Variants in SESTD1 observed in about 807,000 individuals in gnomAD.
SESTD1 encodes the protein SEC14 and spectrin domain containing 1, also known as SEC14 domain and spectrin repeat-containing protein 1.
A neutral mutation model predicts 101.7 loss-of-function variants in SESTD1; 43 were observed. The observed-to-expected ratio is 0.42, with a 90% CI of 0.33 to 0.55. SESTD1 has a LOEUF of 0.55. SESTD1 is among the 20% of genes least tolerant of loss of function. SESTD1 has a pLI of 0.07. For synonymous variants in SESTD1, 283 were observed against 286.8 expected (o/e 0.99, Z 0.13); for missense variants, 647 against 815.1 (o/e 0.79, Z 2.51).
intron 1 of SESTD1, among the ~76,000 whole-genome samples, chr2:179,259,287 A>G (rs1454199480): frequency 6.6e-6 from 1 of 152,158 alleles, no homozygotes; most frequent in Non-Finnish European, 1.5e-5. Context: ...GCTGGAGTGC[A>G]GTGGCGCGAT....
chr2:179,150,853 T>C (rs2045510679), intron 6 of SESTD1, among the ~76,000 whole-genome samples: 1 of 152,124 alleles, frequency 6.6e-6, no homozygotes, highest in African/African-American at 2.4e-5. Context: ...CTACTGTTAT[T>C]CTAATTAAAA....
At chr2:179,148,163 T>A (rs1247607740) in intron 7 of SESTD1, among the ~76,000 whole-genome samples, 1 of 152,240 alleles carries the variant, frequency 6.6e-6, no homozygotes, top group Non-Finnish European at 1.5e-5. Flanking sequence ...CTTGAAAACT[T>A]GATATGTGAC....
intron 9 of SESTD1, among the ~76,000 whole-genome samples, chr2:179,140,851 C>G (rs2045261707): frequency 6.6e-6 from 1 of 152,316 alleles, no homozygotes; most frequent in African/African-American, 2.4e-5. Flanking sequence ...GGTTATAACT[C>G]CTTCCCTGAA....
chr2:179,197,050 GA>G (rs982603243), intron 1 of SESTD1, among the ~76,000 whole-genome samples: 4 of 151,970 alleles, frequency 2.6e-5, no homozygotes, highest in African/African-American at 9.7e-5. Context: ...CAAAGAAGTT[GA>G]AAACTTTGAA....
At chr2:179,113,828 T>G (rs537542011) in intron 16 of SESTD1, among the ~76,000 whole-genome samples, 12 of 150,214 alleles carry the variant, frequency 8.0e-5, no homozygotes, top group African/African-American at 3.0e-4. Flanking sequence ...ATCATGCCAC[T>G]GCACTCCAGC....
At chr2:179,121,289 T>C (rs545374371) in intron 13 of SESTD1, among the ~76,000 whole-genome samples, 1 of 152,226 alleles carries the variant, frequency 6.6e-6, no homozygotes, top group East Asian at 1.9e-4. Context: ...TTTGAATTCC[T>C]AGTTTTATAG....
intron 9 of SESTD1, 89 bp from the exon 10 acceptor site, chr2:179,132,515 C>T: frequency 7.0e-7 from 1 of 1,424,558 alleles, no homozygotes; most frequent in South Asian, 1.4e-5. Flanking sequence ...CCCAAAGTTC[C>T]CCAATTATTT....
At chr2:179,147,352 T>C (rs1410428987) in intron 7 of SESTD1, among the ~76,000 whole-genome samples, 2 of 149,844 alleles carry the variant, frequency 1.3e-5, no homozygotes, top group Non-Finnish European at 2.9e-5. Flanking sequence ...GAACAAGATA[T>C]GTTTGTTTTT....
chr2:179,121,962 C>T (rs750258516), intron 12 of SESTD1, 33 bp from the exon 13 acceptor site: 2 of 1,573,256 alleles, frequency 1.3e-6, no homozygotes, highest in Non-Finnish European at 8.6e-7. Flanking sequence ...TAATCTCTTA[C>T]ACAACTAAGG....
At chr2:179,206,060 C>T (rs984037318) in intron 1 of SESTD1, among the ~76,000 whole-genome samples, 1 of 133,422 alleles carries the variant, frequency 7.5e-6, no homozygotes, top group East Asian at 2.0e-4. Context: ...AAATAAACAA[C>T]GGAAAAATCT....
In SESTD1 at chr2:179,106,564, G is replaced by C. The variant is rs759607720; in HGVS notation, c.*3335C>G. 7 of 152,108 alleles carry C rather than the reference G, an allele frequency of 4.6e-5. No homozygotes were observed. Among genetic ancestry groups the C allele is most frequent in the Non-Finnish European group, 8.8e-5 (6 of 68,040 alleles). 9.4% of individuals were successfully genotyped at this position (152,108 alleles called of 1,614,324 possible). A position where few individuals can be genotyped will look rare whatever the true frequency, so the allele number is the denominator to read the frequency against. On this transcript the variant is annotated 3_prime_UTR_variant, in exon 18 of 18. Coordinates refer to ENST00000428443, the MANE Select transcript of SESTD1 (RefSeq NM_178123.5). ...TTGTCATGCTCACGCTAAGGAGTAC[G>C]ACACTAATAATACCACTCCGTATGT...
intron 7 of SESTD1, among the ~76,000 whole-genome samples, chr2:179,148,598 G>A (rs140871491): frequency 6.6e-6 from 1 of 152,288 alleles, no homozygotes; most frequent in East Asian, 1.9e-4. Flanking sequence ...ACATTTAAGT[G>A]CTAATGTATT....
At chr2:179,235,136 G>A (rs2047048094) in intron 1 of SESTD1, among the ~76,000 whole-genome samples, 3 of 152,040 alleles carry the variant, frequency 2.0e-5, no homozygotes, top group Admixed American at 6.6e-5. Context: ...TTTAAATAAA[G>A]TCTATAGAGT....
At chr2:179,213,561 T>A (rs568791221) in intron 1 of SESTD1, among the ~76,000 whole-genome samples, 1 of 135,186 alleles carries the variant, frequency 7.4e-6, no homozygotes, top group South Asian at 2.8e-4. Flanking sequence ...TGGAACCAAG[T>A]TGGAAAACAC....
chr2:179,232,614 T>C (rs891705043), intron 1 of SESTD1, among the ~76,000 whole-genome samples: 2 of 152,168 alleles, frequency 1.3e-5, no homozygotes, highest in African/African-American at 4.8e-5. Flanking sequence ...ATAACCTGAA[T>C]GTCCACAAAT....
intron 9 of SESTD1, among the ~76,000 whole-genome samples, chr2:179,134,155 T>C (rs576199220): frequency 1.0e-4 from 14 of 136,140 alleles, no homozygotes; most frequent in African/African-American, 3.2e-4. Flanking sequence ...CCACCACAAA[T>C]ACCAAGGGAC....
chr2:179,192,908 CT>C (rs1336218704), intron 1 of SESTD1, among the ~76,000 whole-genome samples: 6 of 152,196 alleles, frequency 3.9e-5, no homozygotes, highest in Admixed American at 1.3e-4. Flanking sequence ...AGAGCAGTTC[CT>C]TGAAGTACAC....
intron 10 of SESTD1, chr2:179,132,003 G>A (rs2045024860): frequency 1.1e-5 from 2 of 185,052 alleles, no homozygotes; most frequent in Admixed American, 6.2e-5. Flanking sequence ...AGAGACTACA[G>A]ATGAAAGCTC....
Position 179,132,434 on chromosome 2 carries a change from C to G in SESTD1, c.850-8G>C. On this transcript the variant is annotated splice_polypyrimidine_tract_variant and splice_region_variant and intron_variant, in intron 9 of 17. Coordinates refer to ENST00000428443, the MANE Select transcript of SESTD1 (RefSeq NM_178123.5). Reference sequence around the variant, plus strand: ...TTCTAGCCAGTTCACCACCTATAAACAAAAGTTGAGATAACATTTTTTAAA... The same window carrying G: ...TTCTAGCCAGTTCACCACCTATAAAGAAAAGTTGAGATAACATTTTTTAAA... 1 of 1,534,062 alleles carries G rather than the reference C, an allele frequency of 6.5e-7. No individual in the cohort carries two copies. Among genetic ancestry groups the G allele is most frequent in the South Asian group, 1.3e-5 (1 of 77,762 alleles).
Sources: allele counts gnomAD v4.1 joint callset (sites outside exome capture counted in the v4.1 genomes callset), GRCh38; gene constraint gnomAD v4.1.1; transcripts MANE v1.5; gene names NCBI Gene and HGNC (gene_info 2026-07-23, HGNC 2026-07-21).